The following TENM3 variants were observed in gnomAD, a reference collection of about 807,000 sequenced individuals.
TENM3 encodes the protein teneurin transmembrane protein 3.
In TENM3, 63 loss-of-function variants were observed where a neutral mutation model predicts 255.1. The observed-to-expected ratio is 0.25, with a 90% CI of 0.20 to 0.30. TENM3 has a LOEUF of 0.30. Among genes scored for constraint, TENM3 ranks in the 10% least tolerant of loss-of-function variants. The pLI is 1.00. For missense variants in TENM3, 2,929 were observed against 3,461.1 expected, an observed-to-expected ratio of 0.85 and a Z score of 3.86; for synonymous variants, 1,306 against 1,322.3, an observed-to-expected ratio of 0.99 and a Z score of 0.27.
chr4:181,842,589 T>A, the TENM3 span, among the ~76,000 whole-genome samples: 1 of 152,326 alleles, frequency 6.6e-6, no homozygotes, highest in Non-Finnish European at 1.5e-5. Flanking sequence ...GCAAATCATA[T>A]GCATGAAGCA....
chr4:182,758,280 G>T (rs975687746), intron 22 of TENM3, among the ~76,000 whole-genome samples: 1 of 152,080 alleles, frequency 6.6e-6, no homozygotes, highest in Admixed American at 6.5e-5. Context: ...AGCAAAGGCC[G>T]CCTCTTCTAA....
At chr4:182,498,069 A>G (rs1381730423) in intron 3 of TENM3, among the ~76,000 whole-genome samples, 6 of 152,068 alleles carry the variant, frequency 3.9e-5, no homozygotes, top group African/African-American at 1.4e-4. Flanking sequence ...TGCTTTTCCT[A>G]TTCAAAATTA....
chr4:182,282,309 G>A (rs1015447311), intron 1 of TENM3, among the ~76,000 whole-genome samples: 1 of 152,206 alleles, frequency 6.6e-6, no homozygotes, highest in African/African-American at 2.4e-5. Context: ...AAGGACAGTA[G>A]TGAGGATATG....
At chr4:181,503,708 C>G in the TENM3 span, among the ~76,000 whole-genome samples, 1 of 152,172 alleles carries the variant, frequency 6.6e-6, no homozygotes, top group African/African-American at 2.4e-5. Context: ...AGGAAACTTT[C>G]TCTGCTCAAA....
intron 3 of TENM3, among the ~76,000 whole-genome samples, chr4:182,512,892 C>T (rs1190219161): frequency 6.6e-6 from 1 of 152,064 alleles, no homozygotes; most frequent in Non-Finnish European, 1.5e-5. Context: ...AAAATAGTGT[C>T]CAGTTTATAC....
At chr4:182,329,947 G>A (rs1243652374) in intron 2 of TENM3, among the ~76,000 whole-genome samples, 2 of 151,854 alleles carry the variant, frequency 1.3e-5, no homozygotes, top group Non-Finnish European at 2.9e-5. Flanking sequence ...CGTTTACAAG[G>A]TGCCACAGAG....
At chr4:181,567,272 C>A in the TENM3 span, among the ~76,000 whole-genome samples, 1 of 152,156 alleles carries the variant, frequency 6.6e-6, no homozygotes, top group African/African-American at 2.4e-5. Flanking sequence ...GTTCTGCGCC[C>A]TTAGTAAATT....
At chr4:181,838,065 G>A in the TENM3 span, among the ~76,000 whole-genome samples, 2 of 151,844 alleles carry the variant, frequency 1.3e-5, no homozygotes, top group African/African-American at 2.4e-5. Flanking sequence ...TTGAACCCAG[G>A]AGGCGGAGCT....
At chr4:182,016,433 G>C in the TENM3 span, among the ~76,000 whole-genome samples, 1 of 152,120 alleles carries the variant, frequency 6.6e-6, no homozygotes, top group African/African-American at 2.4e-5. Flanking sequence ...ATTTGTTAAG[G>C]CAGGTTTTGC....
At chr4:182,088,851 A>G in the TENM3 span, among the ~76,000 whole-genome samples, 50,906 of 150,572 alleles carry the variant, frequency 0.34, 8,723 homozygotes, top group Non-Finnish European at 0.37. Flanking sequence ...AAAAAAAAAA[A>G]AGAGAGAGAC....
chr4:182,055,188 A>T, the TENM3 span, among the ~76,000 whole-genome samples: 3 of 152,006 alleles, frequency 2.0e-5, no homozygotes, highest in Non-Finnish European at 4.4e-5. Flanking sequence ...CCCTACAAAA[A>T]ATACAAACAT....
chr4:181,726,970 G>A, the TENM3 span, among the ~76,000 whole-genome samples: 1 of 152,194 alleles, frequency 6.6e-6, no homozygotes, highest in South Asian at 2.1e-4. Flanking sequence ...ATATTACAAA[G>A]GATGCAGATG....
At chr4:181,804,493 G>T in the TENM3 span, among the ~76,000 whole-genome samples, 1 of 152,152 alleles carries the variant, frequency 6.6e-6, no homozygotes, top group East Asian at 1.9e-4. Flanking sequence ...TAAAGTTAAG[G>T]TATACACAGA....
At chr4:182,100,798 C>CAT in the TENM3 span, among the ~76,000 whole-genome samples, 2,909 of 12,646 alleles carry the variant, frequency 0.23, 487 homozygotes, top group Middle Eastern at 0.27. Flanking sequence ...TATATATACA[C>CAT]ATATATATAC....
chr4:181,746,592 C>T, the TENM3 span, among the ~76,000 whole-genome samples: 1 of 151,948 alleles, frequency 6.6e-6, no homozygotes, highest in African/African-American at 2.4e-5. Flanking sequence ...TGTATACTTT[C>T]TATTGACAGC....
At chr4:182,054,362 C>T in the TENM3 span, among the ~76,000 whole-genome samples, 1 of 152,198 alleles carries the variant, frequency 6.6e-6, no homozygotes. Flanking sequence ...GACTCATGGT[C>T]ACCTGTAGAG....
At chr4:182,768,203 A>G (rs1763885071) in intron 22 of TENM3, among the ~76,000 whole-genome samples, 1 of 152,200 alleles carries the variant, frequency 6.6e-6, no homozygotes, top group Non-Finnish European at 1.5e-5. Flanking sequence ...ATTTACACGT[A>G]CTTTTCTCAA....
At chr4:182,044,681 G>A in the TENM3 span, among the ~76,000 whole-genome samples, 5 of 151,724 alleles carry the variant, frequency 3.3e-5, no homozygotes, top group Non-Finnish European at 5.9e-5. Context: ...GATTAGCCAA[G>A]GCTATCATTT....
chr4:182,007,722 CA>C, the TENM3 span, among the ~76,000 whole-genome samples: 1 of 152,262 alleles, frequency 6.6e-6, no homozygotes, highest in South Asian at 2.1e-4. Context: ...AGCCCATTTA[CA>C]TTTAAGGTTA....
Sources: gnomAD v4.1 joint callset for allele counts (sites outside exome capture counted in the v4.1 genomes callset) on GRCh38, gnomAD v4.1.1 for gene constraint, MANE v1.5 for transcripts, NCBI Gene and HGNC (gene_info 2026-07-23, HGNC 2026-07-21) for gene names.